BICD1: variants seen among roughly 807,000 people sequenced by gnomAD.
The protein encoded by BICD1 is BICD cargo adaptor 1.
A neutral mutation model predicts 92.5 loss-of-function variants in BICD1; 35 were observed. That is an observed-to-expected ratio of 0.38 (90% CI 0.29 to 0.50). The LOEUF is 0.50. Ranked by LOEUF, BICD1 falls within the 20% of genes least tolerant of loss-of-function variation. The pLI, the probability that BICD1 is intolerant of heterozygous loss-of-function variation, is 0.93. For missense variants in BICD1, 950 were observed against 1,189.8 expected (o/e 0.80, Z 2.97); for synonymous variants, 429 against 465.1 (o/e 0.92, Z 1.00).
chr12:32,264,382 G>T (rs1200651842), intron 2 of BICD1, among the ~76,000 whole-genome samples: 1 of 152,048 alleles, frequency 6.6e-6, no homozygotes, highest in African/African-American at 2.4e-5. Flanking sequence ...ACTACTAAAA[G>T]GAATGAATGA....
At chr12:32,258,517 G>A (rs1946775375) in intron 2 of BICD1, among the ~76,000 whole-genome samples, 1 of 152,084 alleles carries the variant, frequency 6.6e-6, no homozygotes, top group Admixed American at 6.6e-5. Flanking sequence ...AGAGAAGACA[G>A]CTGGGCCCGG....
intron 2 of BICD1, among the ~76,000 whole-genome samples, chr12:32,275,852 GGGTTCCAC>G (rs1241548955): frequency 6.6e-6 from 1 of 152,134 alleles, no homozygotes; most frequent in Non-Finnish European, 1.5e-5. Flanking sequence ...ACTAGTCACT[GGGTTCCAC>G]GGTTCTCTTC....
At chr12:32,233,340 A>AAAAAAAAAG (rs397823912) in intron 2 of BICD1, among the ~76,000 whole-genome samples, 3 of 137,390 alleles carry the variant, frequency 2.2e-5, no homozygotes, top group Non-Finnish European at 4.9e-5. Context: ...AAAAAAAAAA[A>AAAAAAAAAG]GTAGGCTTAC....
rs556864323 is a variant in BICD1 at position 32,232,515 on chromosome 12, A to G, written c.426+16056A>G. On this transcript the variant is annotated intron_variant, in intron 2 of 9. Transcript: ENST00000652176. The stretch of plus-strand genomic sequence containing the variant: ...CCTTTGTCAGATGAGTAGGTTGCGA[A>G]AATTTTCTCCCATTTTGTAGGTTGC... 1.9e-4 allele frequency among the ~76,000 whole-genome samples: 28 copies of G among 147,708 alleles called. No individual in the cohort carries two copies. The East Asian group carries it at 5.3e-3, about 28-fold the overall frequency.
intron 3 of BICD1, among the ~76,000 whole-genome samples, chr12:32,296,086 G>A (rs190142149): frequency 3.6e-4 from 55 of 152,060 alleles, no homozygotes; most frequent in African/African-American, 9.4e-4. Context: ...CATTCCTTCC[G>A]TAAGCACTGA....
intron 2 of BICD1, among the ~76,000 whole-genome samples, chr12:32,230,119 G>A (rs982552353): frequency 1.3e-4 from 20 of 152,168 alleles, no homozygotes; most frequent in African/African-American, 4.3e-4. Flanking sequence ...CAGCAGCTGA[G>A]AGGGAAGGTA....
chr12:32,168,127 T>C (rs1943827812), intron 1 of BICD1, among the ~76,000 whole-genome samples: 3 of 152,142 alleles, frequency 2.0e-5, no homozygotes, highest in Admixed American at 6.6e-5. Flanking sequence ...TGGATATATT[T>C]TTAAATTTCT....
chr12:32,332,019 C>T (rs1051861626), intron 5 of BICD1, among the ~76,000 whole-genome samples: 1 of 152,108 alleles, frequency 6.6e-6, no homozygotes, highest in African/African-American at 2.4e-5. Context: ...TTAAAATAGG[C>T]ATTCTACTAT....
intron 2 of BICD1, among the ~76,000 whole-genome samples, chr12:32,282,216 T>C (rs1479849489): frequency 1.1e-4 from 3 of 27,804 alleles, no homozygotes; most frequent in Non-Finnish European, 2.1e-4. Context: ...TTTTTTTTTT[T>C]TTTTTTTTTT....
At chr12:32,239,061 A>G (rs997677235) in intron 2 of BICD1, among the ~76,000 whole-genome samples, 1 of 150,416 alleles carries the variant, frequency 6.6e-6, no homozygotes, top group Non-Finnish European at 1.5e-5. Context: ...GCTGGCTAAC[A>G]TGGCGAAACC....
intron 2 of BICD1, among the ~76,000 whole-genome samples, chr12:32,229,863 A>G (rs919732174): frequency 1.3e-5 from 2 of 152,160 alleles, no homozygotes; most frequent in African/African-American, 4.8e-5. Context: ...GGGAAATTTT[A>G]ATGATGTAAG....
chr12:32,268,833 A>G (rs766682844), intron 2 of BICD1, among the ~76,000 whole-genome samples: 42 of 152,200 alleles, frequency 2.8e-4, no homozygotes, highest in Admixed American at 2.5e-3. Flanking sequence ...TCACCCATTG[A>G]CAAAAAGTTA....
At chr12:32,270,455 TTGTTA>T (rs1947109552) in intron 2 of BICD1, among the ~76,000 whole-genome samples, 1 of 152,184 alleles carries the variant, frequency 6.6e-6, no homozygotes, top group African/African-American at 2.4e-5. Flanking sequence ...AAGAAAAAGT[TTGTTA>T]TGGGTGGAAC....
At chr12:32,358,521 G>A (rs1312424196) in intron 8 of BICD1, among the ~76,000 whole-genome samples, 1 of 151,858 alleles carries the variant, frequency 6.6e-6, no homozygotes, top group African/African-American at 2.4e-5. Flanking sequence ...GGCGGATCAC[G>A]AGGTCAAGAG....
chr12:32,191,082 A>T (rs1944550112), intron 1 of BICD1, among the ~76,000 whole-genome samples: 1 of 152,216 alleles, frequency 6.6e-6, no homozygotes, highest in Non-Finnish European at 1.5e-5. Context: ...AGGATGCAGC[A>T]AAAGCAATTC....
rs80242194 is a variant in BICD1 at position 32,286,056 on chromosome 12, G to A, written c.427-7938G>A. On this transcript the variant is annotated intron_variant, in intron 2 of 9. Transcript: ENST00000652176. The stretch of plus-strand genomic sequence containing the variant: ...CAGTGAGTCTTTCAGCTTAACCAGT[G>A]TTGCAGCCCAAGCTCTTCCTTGTCC... 8.0e-3 allele frequency among the ~76,000 whole-genome samples: 1,223 copies of A among 152,284 alleles called. 21 individuals are homozygous for A. Among genetic ancestry groups the A allele is most frequent in the African/African-American group, 0.028 (1,144 of 41,558 alleles).
chr12:32,163,315 C>T (rs778970027), intron 1 of BICD1, among the ~76,000 whole-genome samples: 2 of 151,920 alleles, frequency 1.3e-5, no homozygotes, highest in Non-Finnish European at 2.9e-5. Context: ...TGGATAGGTA[C>T]TTCTGTTTTA....
intron 8 of BICD1, among the ~76,000 whole-genome samples, chr12:32,343,098 C>T (rs996334238): frequency 2.0e-5 from 3 of 152,162 alleles, no homozygotes; most frequent in Non-Finnish European, 4.4e-5. Flanking sequence ...ACACAAATTC[C>T]AGTGTCCTTC....
At chr12:32,302,440 T>C (rs1948081886) in intron 3 of BICD1, among the ~76,000 whole-genome samples, 1 of 152,140 alleles carries the variant, frequency 6.6e-6, no homozygotes, top group Non-Finnish European at 1.5e-5. Context: ...GAATGCAAAC[T>C]ACAGGGACAC....
Sources: allele counts gnomAD v4.1 joint callset (sites outside exome capture counted in the v4.1 genomes callset), GRCh38; gene constraint gnomAD v4.1.1; transcripts MANE v1.5; gene names NCBI Gene and HGNC (gene_info 2026-07-23, HGNC 2026-07-21).